Variants in RPS3 observed in about 807,000 individuals in gnomAD.
RPS3 encodes small ribosomal subunit protein uS3.
In RPS3, 2 loss-of-function variants were observed where a neutral mutation model predicts 25.8. The observed-to-expected ratio is 0.08, with a 90% CI of 0.03 to 0.24. The LOEUF (loss-of-function observed/expected upper bound fraction) is 0.24. Among genes scored for constraint, RPS3 ranks in the 10% least tolerant of loss-of-function variants. The pLI, the probability that RPS3 is intolerant of heterozygous loss-of-function variation, is 1.00. For missense variants in RPS3, 107 were observed against 307.1 expected, an observed-to-expected ratio of 0.35 and a Z score of 4.87; for synonymous variants, 114 against 114.2, an observed-to-expected ratio of 1.00 and a Z score of 0.01.
chr11:75,411,420 C>T (rs776793847), downstream of RPS3, among the ~76,000 whole-genome samples: 14 of 152,082 alleles, frequency 9.2e-5, no homozygotes, highest in African/African-American at 2.4e-4. Flanking sequence ...GACGGAGTCT[C>T]GCTCTGTCGC....
downstream of RPS3, among the ~76,000 whole-genome samples, chr11:75,411,382 T>TG (rs1479836048): frequency 2.6e-5 from 4 of 151,894 alleles, no homozygotes; most frequent in African/African-American, 7.2e-5. Flanking sequence ...TATTTGTATT[T>TG]TATTTTATTT....
chr11:75,420,363 T>C (rs1411285887), intron 6 of RPS3, among the ~76,000 whole-genome samples: 1 of 152,234 alleles, frequency 6.6e-6, no homozygotes, highest in Non-Finnish European at 1.5e-5. Flanking sequence ...GTGGGGACAG[T>C]ATCCCATCAG....
chr11:75,419,291 T>C (rs1948425072), intron 6 of RPS3, among the ~76,000 whole-genome samples: 1 of 152,178 alleles, frequency 6.6e-6, no homozygotes. Flanking sequence ...TGGTGGCTCA[T>C]GCCTGTAATC....
rs1948175837 is a variant in RPS3 at position 75,399,733 on chromosome 11, TGA to T, written c.30+160_30+161del. ...GGGCCGCGGATGGCGGTGGATTGAG[TGA>T]GAGGCCCCAGCCAGGAGGGCGCTGT... On this transcript the variant is annotated intron_variant, in intron 1 of 6. Coordinates refer to ENST00000531188, the MANE Select transcript of RPS3 (RefSeq NM_001005.5). 4.6e-6 allele frequency: 3 copies of T among 651,082 alleles called. No individual in the cohort carries two copies. The Admixed American group carries it at 9.0e-5, about 19-fold the overall frequency. 40.3% of individuals were successfully genotyped at this position (651,082 alleles called of 1,614,324 possible). A position where few individuals can be genotyped will look rare whatever the true frequency, so the allele number is the denominator to read the frequency against.
chr11:75,413,251 T>TA (rs1565167751), intron 6 of RPS3, among the ~76,000 whole-genome samples: 31 of 66,222 alleles, frequency 4.7e-4, no homozygotes, highest in African/African-American at 8.9e-4. Context: ...ATATATATAT[T>TA]TTTTTTTTTG....
intron 1 of RPS3, chr11:75,399,806 C>T (rs1948177509): frequency 5.4e-6 from 3 of 559,920 alleles, no homozygotes; most frequent in Non-Finnish European, 6.3e-6. Flanking sequence ...CACCAGGCGC[C>T]CCTTCTGTCC....
At chr11:75,403,365 C>T (rs139852200) in intron 4 of RPS3, 2 of 152,338 alleles carry the variant, frequency 1.3e-5, no homozygotes, top group East Asian at 3.9e-4. Context: ...GATCTGTTAT[C>T]TTCTAAGGTG....
chr11:75,415,975 CAAA>C (rs34006322), intron 6 of RPS3, among the ~76,000 whole-genome samples: 1 of 54,814 alleles, frequency 1.8e-5, no homozygotes, highest in Non-Finnish European at 4.1e-5. Context: ...GATACTCTGT[CAAA>C]AAAAAAAAAA....
chr11:75,416,893 C>A (rs1437694960), intron 6 of RPS3, among the ~76,000 whole-genome samples: 2 of 152,186 alleles, frequency 1.3e-5, no homozygotes, highest in Non-Finnish European at 2.9e-5. Flanking sequence ...TCTTACTGTT[C>A]TCCTCAGGGA....
chr11:75,413,605 G>A (rs1948375209), intron 6 of RPS3, among the ~76,000 whole-genome samples: 1 of 152,164 alleles, frequency 6.6e-6, no homozygotes, highest in Non-Finnish European at 1.5e-5. Context: ...ACCACTGAAT[G>A]TGTGTATTTT....
At chr11:75,421,134 C>T (rs551082081) in intron 6 of RPS3, among the ~76,000 whole-genome samples, 58 of 152,208 alleles carry the variant, frequency 3.8e-4, no homozygotes, top group Non-Finnish European at 7.8e-4. Flanking sequence ...CCTCCACTGC[C>T]ATTATCAGCT....
intron 1 of RPS3, 52 bp downstream of exon 1, chr11:75,399,629 G>A: frequency 6.4e-7 from 1 of 1,551,294 alleles, no homozygotes; most frequent in African/African-American, 1.4e-5. Context: ...GCGGGTCGAG[G>A]GCTTCTCGGG....
chr11:75,402,320 T>C (rs1274555764), intron 3 of RPS3, 32 bp from the exon 4 acceptor site: 25 of 1,606,066 alleles, frequency 1.6e-5, no homozygotes, highest in Non-Finnish European at 2.1e-5. Context: ...ATAATGGTGA[T>C]GGTAACAGGA....
At chr11:75,409,720 C>G (rs370261145), downstream of RPS3, among the ~76,000 whole-genome samples, 355 of 148,854 alleles carry the variant, frequency 2.4e-3, 1 homozygote, top group African/African-American at 8.4e-3. Context: ...CAGACGGGGT[C>G]GTGGCCGGGC....
chr11:75,404,883 G>T lies in RPS3; in HGVS notation c.*3+15G>T. ...CAGCATAACAGGTATGTCTGCAAGG[G>T]CAGGGGCCTCTTGGGGCATAATAGG... On this transcript the variant is annotated intron_variant, in intron 6 of 6. Coordinates refer to ENST00000531188, the MANE Select transcript of RPS3 (RefSeq NM_001005.5). This position sits in a 1 kb window ranked among gnomAD's most constrained non-coding sequence, Gnocchi z 4.6. 6.4e-7 allele frequency: 1 copy of T among 1,553,024 alleles called. No individual in the cohort carries two copies. The highest frequency in any genetic ancestry group is 8.7e-7 in the Non-Finnish European group (1 of 1,143,482).
At chr11:75,402,321 G>A (rs866350524) in intron 3 of RPS3, 31 bp from the exon 4 acceptor site, 2 of 1,606,960 alleles carry the variant, frequency 1.2e-6, no homozygotes, top group African/African-American at 1.3e-5. Context: ...TAATGGTGAT[G>A]GTAACAGGAT....
intron 6 of RPS3, among the ~76,000 whole-genome samples, chr11:75,415,763 G>A (rs945172472): frequency 6.9e-5 from 10 of 145,604 alleles, no homozygotes; most frequent in African/African-American, 2.3e-4. Context: ...CCGATATCGT[G>A]CCACTGCACT....
chr11:75,410,474 G>A (rs920468126), downstream of RPS3, among the ~76,000 whole-genome samples: 45 of 151,572 alleles, frequency 3.0e-4, no homozygotes, highest in Admixed American at 7.2e-4. Context: ...ATGGGATGGC[G>A]GCTGGGCAGA....
chr11:75,401,706 G>A lies in RPS3; in HGVS notation c.228G>A (p.Arg76=). The stretch of plus-strand genomic sequence containing the variant: ...AACTGACTGCTGTAGTTCAGAAGAG[G>A]TTTGGCTTTCCAGAGGGCAGTGTAG... ...IRELTAVVQK[R]FGFPEGSVEL... is the part of the protein sequence containing the mutation. The change falls in exon 3 of 7, where the codon AGG becomes AGA. Residue 76 remains arginine (R), a synonymous_variant. Transcript: ENST00000531188. 2.5e-6 allele frequency: 4 copies of A among 1,612,796 alleles called. No homozygotes were observed. The South Asian group carries it at 3.3e-5, about 13-fold the overall frequency.
Sources: allele counts gnomAD v4.1 joint callset (sites outside exome capture counted in the v4.1 genomes callset), GRCh38; gene constraint gnomAD v4.1.1; non-coding constraint Gnocchi (gnomAD v3.1); transcripts MANE v1.5; gene names NCBI Gene and HGNC (gene_info 2026-07-23, HGNC 2026-07-21).